OFD1: variants seen among roughly 807,000 people sequenced by gnomAD.
The protein encoded by OFD1 is OFD1 centriole and centriolar satellite protein.
A neutral mutation model predicts 81.4 loss-of-function variants in OFD1; 12 were observed. That is an observed-to-expected ratio of 0.15 (90% CI 0.09 to 0.24). The LOEUF (loss-of-function observed/expected upper bound fraction) is 0.24. Among genes scored for constraint, OFD1 ranks in the 10% least tolerant of loss-of-function variants. The probability of loss-of-function intolerance (pLI) is 1.00; values close to 1 mark genes in which losing one functional copy is unlikely to be tolerated. For synonymous variants in OFD1, 256 were observed against 263.7 expected (o/e 0.97, Z 0.28); for missense variants, 685 against 733.9 (o/e 0.93, Z 0.77).
upstream of OFD1, chrX:13,734,675 G>A (rs2046777159): frequency 3.2e-6 from 3 of 936,930 alleles, no homozygotes; most frequent in Admixed American, 5.5e-5. Flanking sequence ...GCCGGTGCTG[G>A]GCAACCAAGC....
downstream of OFD1, among the ~76,000 whole-genome samples, chrX:13,770,304 C>T: frequency 8.9e-6 from 1 of 111,945 alleles, no homozygotes; most frequent in Non-Finnish European, 1.9e-5. Context: ...ACTAATTGAG[C>T]CTCCTGATTG....
At chrX:13,759,383 A>G (rs781084378) in intron 15 of OFD1, among the ~76,000 whole-genome samples, 1 of 112,593 alleles carries the variant, frequency 8.9e-6, no homozygotes, top group South Asian at 3.7e-4. Context: ...TTGAATGAGG[A>G]TAGAACTCTT....
At chrX:13,753,113 C>T in intron 10 of OFD1, 1 of 985,743 alleles carries the variant, frequency 1.0e-6, no homozygotes, top group East Asian at 4.5e-5. Flanking sequence ...CAGTAAGTAA[C>T]CTTATGATAA....
At chrX:13,768,276 C>T (rs1422544715) in intron 21 of OFD1, 52 bp downstream of exon 21, 2 of 961,350 alleles carry the variant, frequency 2.1e-6, no homozygotes, top group Admixed American at 2.2e-5. Flanking sequence ...TCCAGGGCTT[C>T]CGTGGCTTAA....
chrX:13,721,368 T>C, the OFD1 span: 1 of 112,417 alleles, frequency 8.9e-6, no homozygotes, highest in Admixed American at 9.4e-5. Context: ...ATCTAATGCA[T>C]GTAAAGTACC....
intron 3 of OFD1, 116 bp from the exon 4 acceptor site, chrX:13,738,730 T>C (rs762728392): frequency 5.9e-6 from 3 of 510,506 alleles, no homozygotes; most frequent in Admixed American, 3.4e-5. Context: ...AGCATAGTTA[T>C]AATCTTATTT....
At chrX:13,753,294 T>TA in intron 10 of OFD1, 74 bp from the exon 11 acceptor site, 1 of 1,203,615 alleles carries the variant, frequency 8.3e-7, no homozygotes, top group Non-Finnish European at 1.1e-6. Context: ...GTGCCATAGA[T>TA]AAGCTCCTGC....
At chrX:13,727,880 A>C in the OFD1 span, among the ~76,000 whole-genome samples, 1 of 112,057 alleles carries the variant, frequency 8.9e-6, no homozygotes, top group Non-Finnish European at 1.9e-5. Context: ...AAAACAGAGA[A>C]GAATCAGATA....
chrX:13,740,110 C>T (rs760537425), intron 5 of OFD1: 47 of 958,329 alleles, frequency 4.9e-5, no homozygotes, highest in Middle Eastern at 3.0e-4. Context: ...GTGACTTAAT[C>T]GCCAAGTCTC....
In OFD1 at chrX:13,736,654, A is replaced by G. The variant is rs2146913731; in HGVS notation, c.288A>G (p.Pro96=). The G allele has an allele frequency of 8.3e-7, 1 of 1,208,473 alleles. No homozygotes were observed. Among genetic ancestry groups the G allele is most frequent in the Admixed American group, 2.2e-5 (1 of 45,981 alleles). Residue 96 remains proline, a synonymous_variant, in exon 3 of 23, where the codon CCA becomes CCG. Coordinates refer to ENST00000340096, the MANE Select transcript of OFD1 (RefSeq NM_003611.3). The part of the protein sequence containing the change: ...GYEYSLSVFF[P]ESGLAKEKVF... ...AATATTCACTTTCTGTTTTCTTTCC[A>G]GAAAGTGGTTTGGCAAAAGAAAAGG...
chrX:13,752,875 T>C, intron 10 of OFD1: 1 of 953,480 alleles, frequency 1.0e-6, no homozygotes, highest in East Asian at 7.6e-5. Flanking sequence ...ATGTGCCTTT[T>C]GGTATTGCTA....
Position 13,769,088 on chromosome X carries a change from G to GCC in OFD1, c.3019_3020insCC (p.Glu1007AlafsTer3). The GCC allele has an allele frequency of 8.4e-7, 1 of 1,196,149 alleles. No individual in the cohort carries two copies. Among genetic ancestry groups the GCC allele is most frequent in the Non-Finnish European group, 1.1e-6 (1 of 881,465 alleles). On this transcript the variant is annotated frameshift_variant, in exon 23 of 23. Transcript: ENST00000340096. LOFTEE classifies it high-confidence loss of function. The stretch of plus-strand genomic sequence containing the variant: ...TAGTTTAACAGGCTTTTCTCATGAA[G>GCC]AACTAGACGACTCTTGGTAACCATG...
chrX:13,752,861 G>GA (rs2047556189), intron 10 of OFD1: 1 of 958,221 alleles, frequency 1.0e-6, no homozygotes, highest in African/African-American at 2.0e-5. Flanking sequence ...GTGAAACTGT[G>GA]AAAATGTGCC....
intron 19 of OFD1, among the ~76,000 whole-genome samples, chrX:13,764,696 G>C (rs573569635): frequency 8.9e-6 from 1 of 112,500 alleles, no homozygotes; most frequent in East Asian, 2.8e-4. Flanking sequence ...TTTTAGTCAT[G>C]GTACCCAGGA....
intron 12 of OFD1, 68 bp downstream of exon 12, chrX:13,755,310 AT>A: frequency 2.6e-6 from 2 of 763,479 alleles, no homozygotes; most frequent in Admixed American, 2.4e-5. Context: ...GTCATACATA[AT>A]TTATCCTAAG....
chrX:13,717,512 C>G, the OFD1 span, among the ~76,000 whole-genome samples: 1 of 111,396 alleles, frequency 9.0e-6, no homozygotes. Flanking sequence ...GAGGCTGAGG[C>G]AGGTGGATCA....
In OFD1 at chrX:13,735,103, C is replaced by T. The variant is rs781188517; in HGVS notation, c.12+20C>T. The T allele has an allele frequency of 5.0e-6, 6 of 1,203,772 alleles. No homozygotes were observed. The South Asian group carries it at 8.9e-5, about 18-fold the overall frequency. On this transcript the variant is annotated intron_variant, in intron 1 of 22. Transcript: ENST00000340096. ...GCGCAGGTAGACACACCTGCCCCTT[C>T]TCGGGCGGAAATAAAGTCTTGTTTT... is the stretch of plus-strand genomic sequence containing the variant.
the OFD1 span, among the ~76,000 whole-genome samples, chrX:13,724,994 A>G: frequency 8.8e-6 from 1 of 113,192 alleles, no homozygotes; most frequent in South Asian, 3.6e-4. Flanking sequence ...AGCCTTGCTC[A>G]CTGCTAGCGC....
rs2047755535 is a variant in OFD1, at chrX:13,757,548, C to T, written c.1412-112C>T. On this transcript the variant is annotated intron_variant, in intron 13 of 22. Transcript: ENST00000340096. ...AGAATTATTATCATATTTATTGAGT[C>T]AGTACAAAGCAAAGAACACTTTAAA... is the stretch of plus-strand genomic sequence containing the variant. 4.0e-6 allele frequency: 3 copies of T among 756,704 alleles called. No homozygotes were observed. The Admixed American group carries it at 8.6e-5, about 22-fold the overall frequency. The allele number at this position is 756,704 out of a possible 1,213,427, so 62.4% of individuals were successfully genotyped here. A position where few individuals can be genotyped will look rare whatever the true frequency, so the allele number is the denominator to read the frequency against.
Sources: allele counts gnomAD v4.1 joint callset (sites outside exome capture counted in the v4.1 genomes callset), GRCh38; gene constraint gnomAD v4.1.1; transcripts MANE v1.5; gene names NCBI Gene and HGNC (gene_info 2026-07-23, HGNC 2026-07-21).